Variants in MAML2 observed in about 807,000 individuals in gnomAD.
MAML2 encodes mastermind like transcriptional coactivator 2.
A neutral mutation model predicts 96.1 loss-of-function variants in MAML2; 22 were observed. The ratio of observed to expected loss-of-function variants is 0.23; its 90% confidence interval spans 0.16 to 0.33. The LOEUF (loss-of-function observed/expected upper bound fraction) is 0.33, where lower values mean the gene tolerates loss of function less well. MAML2 is among the 10% of genes least tolerant of loss of function. The pLI, the probability that MAML2 is intolerant of heterozygous loss-of-function variation, is 1.00. For missense variants in MAML2, 1,367 were observed against 1,392.4 expected, an observed-to-expected ratio of 0.98 and a Z score of 0.29; for synonymous variants, 561 against 521.3, an observed-to-expected ratio of 1.08 and a Z score of -1.04.
chr11:96,187,771 C>T (rs925944197), intron 1 of MAML2, among the ~76,000 whole-genome samples: 6 of 145,886 alleles, frequency 4.1e-5, no homozygotes, highest in African/African-American at 1.0e-4. Flanking sequence ...TCCAGCCTGG[C>T]GACAGAGTGA....
chr11:96,092,323 G>T lies in MAML2; in HGVS notation c.1708C>A (p.Gln570Lys), dbSNP rs369415553. ...TGGGAAGGCAAAACAGAAGGCATCT[G>T]CTGGTTCGCTTGATCTGAGTTAAAA... The part of the protein sequence containing the change: ...FHFNSDQANQ[Q>K]MPSVLPSQNK... The change falls in exon 2 of 5, where the codon CAG (glutamine) becomes AAG (lysine). Residue 570 changes from glutamine to lysine, a missense_variant. By Grantham distance (53) the Gln-to-Lys change is moderately conservative. Coordinates refer to ENST00000524717, the MANE Select transcript of MAML2 (RefSeq NM_032427.4). The surrounding 1 kb of genome is among the most constrained non-coding windows in gnomAD (Gnocchi z 4.1). The T allele has an allele frequency of 3.8e-5, 60 of 1,598,578 alleles. No homozygotes were observed. The African/African-American group carries it at 7.9e-4, about 21-fold the overall frequency.
intron 2 of MAML2, among the ~76,000 whole-genome samples, chr11:96,073,600 G>A (rs1859383095): frequency 6.6e-6 from 1 of 152,150 alleles, no homozygotes; most frequent in Non-Finnish European, 1.5e-5. Context: ...GATTACAGGT[G>A]TGAGCCAATT....
At chr11:96,215,054 GTC>G (rs1432487751) in intron 1 of MAML2, among the ~76,000 whole-genome samples, 3 of 152,216 alleles carry the variant, frequency 2.0e-5, no homozygotes, top group Non-Finnish European at 4.4e-5. Flanking sequence ...CATAAGAGAT[GTC>G]TGTGTGTCCA....
chr11:96,180,972 C>T (rs904750825), intron 1 of MAML2, among the ~76,000 whole-genome samples: 2 of 146,340 alleles, frequency 1.4e-5, no homozygotes, highest in South Asian at 2.2e-4. Flanking sequence ...GAGTGGGGGT[C>T]GCAAGGTGCT....
intron 1 of MAML2, among the ~76,000 whole-genome samples, chr11:96,102,337 A>G (rs1228600733): frequency 1.3e-5 from 2 of 152,214 alleles, no homozygotes; most frequent in African/African-American, 4.8e-5. Flanking sequence ...TAGAATTAAC[A>G]AAAAGAAACA....
At chr11:96,293,872 C>A (rs545176374) in intron 1 of MAML2, among the ~76,000 whole-genome samples, 1 of 152,130 alleles carries the variant, frequency 6.6e-6, no homozygotes, top group East Asian at 1.9e-4. Context: ...AAAGAGCCAG[C>A]GAATTCTAAA....
intron 2 of MAML2, among the ~76,000 whole-genome samples, chr11:96,066,954 T>TA (rs1650407531): frequency 6.6e-6 from 1 of 151,998 alleles, no homozygotes; most frequent in Admixed American, 6.6e-5. Flanking sequence ...GATAGAGAAA[T>TA]AGAGAGAGCG....
At chr11:96,329,487 T>C (rs1183854520) in intron 1 of MAML2, among the ~76,000 whole-genome samples, 2 of 152,214 alleles carry the variant, frequency 1.3e-5, no homozygotes, top group African/African-American at 4.8e-5. Flanking sequence ...AGACTGAAAT[T>C]TGAGAAACAA....
At chr11:95,995,552 G>GACTT (rs1857976686) in intron 2 of MAML2, among the ~76,000 whole-genome samples, 1 of 152,042 alleles carries the variant, frequency 6.6e-6, no homozygotes, top group African/African-American at 2.4e-5. Flanking sequence ...CAGTGCCAGG[G>GACTT]ACTTAGTAGA....
At chr11:96,214,622 A>G (rs1800814005) in intron 1 of MAML2, among the ~76,000 whole-genome samples, 1 of 152,208 alleles carries the variant, frequency 6.6e-6, no homozygotes, top group Non-Finnish European at 1.5e-5. Flanking sequence ...AACTGATGCC[A>G]TTATTTTCCT....
chr11:96,045,832 T>C (rs1858888594), intron 2 of MAML2, among the ~76,000 whole-genome samples: 2 of 151,376 alleles, frequency 1.3e-5, no homozygotes, highest in Admixed American at 6.6e-5. Context: ...AGTGATGTAA[T>C]AATGGGATTT....
rs185331360 is a variant in MAML2, at chr11:96,147,593, A to G, written c.514-54076T>C. ...CAAAGGCTATGTGCTTTAAGTAGAA[A>G]AAGTTTCTTTACCTTTTCCACGTAG... On this transcript the variant is annotated intron_variant, in intron 1 of 4. Coordinates refer to ENST00000524717, the MANE Select transcript of MAML2 (RefSeq NM_032427.4). 3.3e-5 allele frequency among the ~76,000 whole-genome samples: 5 copies of G among 152,396 alleles called. No individual in the cohort carries two copies. In the East Asian group the frequency reaches 9.6e-4, roughly 29 times the overall value.
At chr11:96,155,540 A>ATATATATATG (rs1860998889) in intron 1 of MAML2, among the ~76,000 whole-genome samples, 1 of 100,008 alleles carries the variant, frequency 1.0e-5, no homozygotes, top group Non-Finnish European at 2.1e-5. Flanking sequence ...ATATATATAT[A>ATATATATATG]TATATATATA....
chr11:96,284,922 T>C (rs1863117513), intron 1 of MAML2, among the ~76,000 whole-genome samples: 1 of 152,214 alleles, frequency 6.6e-6, no homozygotes, highest in African/African-American at 2.4e-5. Context: ...TCCTCTTCAC[T>C]ATCCTATGAA....
intron 1 of MAML2, among the ~76,000 whole-genome samples, chr11:96,337,378 T>C (rs1412014757): frequency 3.9e-5 from 6 of 152,240 alleles, no homozygotes; most frequent in Non-Finnish European, 5.9e-5. Context: ...ACTCTGGCAA[T>C]GATTTAACTT....
At chr11:96,162,176 C>CTTTT (rs36006515) in intron 1 of MAML2, among the ~76,000 whole-genome samples, 25 of 105,940 alleles carry the variant, frequency 2.4e-4, no homozygotes, top group East Asian at 1.4e-3. Context: ...ATCAATCTAA[C>CTTTT]TTTTTTTTTT....
At chr11:96,061,773 T>C (rs770347791) in intron 2 of MAML2, among the ~76,000 whole-genome samples, 6 of 152,190 alleles carry the variant, frequency 3.9e-5, no homozygotes, top group Non-Finnish European at 7.3e-5. Context: ...TTTCCTCCTT[T>C]TTCTTCTTCC....
intron 1 of MAML2, among the ~76,000 whole-genome samples, chr11:96,190,206 T>C (rs1330188411): frequency 6.6e-6 from 1 of 152,190 alleles, no homozygotes; most frequent in African/African-American, 2.4e-5. Flanking sequence ...TGATGGTGGA[T>C]ATACATGTGT....
chr11:96,118,737 A>G (rs1860286655), intron 1 of MAML2, among the ~76,000 whole-genome samples: 1 of 152,232 alleles, frequency 6.6e-6, no homozygotes, highest in South Asian at 2.1e-4. Flanking sequence ...GGAAAGGAAC[A>G]GAATAAGTCA....
Sources: allele counts gnomAD v4.1 joint callset (sites outside exome capture counted in the v4.1 genomes callset), GRCh38; gene constraint gnomAD v4.1.1; non-coding constraint Gnocchi (gnomAD v3.1); transcripts MANE v1.5; gene names NCBI Gene and HGNC (gene_info 2026-07-23, HGNC 2026-07-21).